The following RGS7 variants were observed in gnomAD, a reference collection of about 807,000 sequenced individuals.
RGS7 encodes regulator of G protein signaling 7.
A neutral mutation model predicts 81.1 loss-of-function variants in RGS7; 27 were observed. That is an observed-to-expected ratio of 0.33 (90% CI 0.25 to 0.46). RGS7 has a LOEUF of 0.46. Among genes scored for constraint, RGS7 ranks in the 20% least tolerant of loss-of-function variants. The probability of loss-of-function intolerance (pLI) is 1.00; values close to 1 mark genes in which losing one functional copy is unlikely to be tolerated. For missense variants in RGS7, 396 were observed against 607.4 expected (o/e 0.65, Z 3.66); for synonymous variants, 208 against 207.7 (o/e 1.00, Z -0.01).
At chr1:240,970,379 G>C (rs979228248) in intron 4 of RGS7, among the ~76,000 whole-genome samples, 2 of 152,212 alleles carry the variant, frequency 1.3e-5, no homozygotes, top group Non-Finnish European at 2.9e-5. Context: ...GTTGTGCAGA[G>C]CAATTGGATA....
At chr1:240,883,119 A>G (rs1206566397) in intron 6 of RGS7, among the ~76,000 whole-genome samples, 1 of 113,862 alleles carries the variant, frequency 8.8e-6, no homozygotes, top group Non-Finnish European at 1.6e-5. Context: ...TATGTGCCAC[A>G]TTTTCTTAAT....
At chr1:241,128,051 G>C (rs2103025251) in intron 2 of RGS7, among the ~76,000 whole-genome samples, 1 of 152,160 alleles carries the variant, frequency 6.6e-6, no homozygotes, top group African/African-American at 2.4e-5. Context: ...GGCTGAGGTG[G>C]GTGGATCACG....
chr1:241,297,258 GA>G lies in RGS7; in HGVS notation c.78+58440del, dbSNP rs2079483033. On this transcript the variant is annotated intron_variant, in intron 2 of 18. Transcript: ENST00000440928. ...GAATTTATGGAAGAATGGATGGAAAGAAAACATACATTATAAGAATAAATCC... is the reference window on the plus strand; with the variant it reads ...GAATTTATGGAAGAATGGATGGAAAGAAACATACATTATAAGAATAAATCC... Among the ~76,000 whole-genome samples, 3 of 152,188 alleles carry G rather than the reference GA, an allele frequency of 2.0e-5. No individual in the cohort carries two copies. The South Asian group carries it at 6.2e-4, about 31-fold the overall frequency.
chr1:241,140,661 T>A (rs77776558), intron 2 of RGS7, among the ~76,000 whole-genome samples: 2 of 152,260 alleles, frequency 1.3e-5, no homozygotes, highest in Non-Finnish European at 2.9e-5. Flanking sequence ...TCCTCCTGCC[T>A]TGGCCTCTCA....
intron 6 of RGS7, among the ~76,000 whole-genome samples, chr1:240,903,955 A>C (rs2148212596): frequency 6.6e-6 from 1 of 152,336 alleles, no homozygotes; most frequent in African/African-American, 2.4e-5. Context: ...CTTCTTGTAC[A>C]GTCTGCAGAA....
chr1:241,229,658 T>G (rs192213813), intron 2 of RGS7, among the ~76,000 whole-genome samples: 54 of 152,358 alleles, frequency 3.5e-4, no homozygotes, highest in Non-Finnish European at 7.2e-4. Context: ...AGTAGTCCAC[T>G]TCCTTCTTTC....
At chr1:240,859,391 A>G (rs1469680850) in intron 9 of RGS7, among the ~76,000 whole-genome samples, 3 of 120,072 alleles carry the variant, frequency 2.5e-5, no homozygotes, top group African/African-American at 9.7e-5. Context: ...TATATTATCT[A>G]TTTTCTTGGT....
chr1:240,949,203 T>C (rs1679144428), intron 4 of RGS7, among the ~76,000 whole-genome samples: 1 of 152,220 alleles, frequency 6.6e-6, no homozygotes, highest in African/African-American at 2.4e-5. Flanking sequence ...TTTCTCACCT[T>C]TCAATTTTGA....
chr1:241,110,694 CTT>C (rs533691961), intron 2 of RGS7, among the ~76,000 whole-genome samples: 6 of 139,930 alleles, frequency 4.3e-5, no homozygotes, highest in Admixed American at 7.2e-5. Context: ...CTCACTCACT[CTT>C]TTTTTTTTTT....
At chr1:241,161,436 A>T (rs1211482741) in intron 2 of RGS7, among the ~76,000 whole-genome samples, 1 of 150,552 alleles carries the variant, frequency 6.6e-6, no homozygotes. Flanking sequence ...AATAATAATA[A>T]CTAATAATAA....
chr1:240,875,063 A>G (rs1367047330), intron 6 of RGS7, among the ~76,000 whole-genome samples: 1 of 152,072 alleles, frequency 6.6e-6, no homozygotes, highest in Non-Finnish European at 1.5e-5. Flanking sequence ...ACAAAAAACA[A>G]AAAACAAAAA....
intron 6 of RGS7, among the ~76,000 whole-genome samples, chr1:240,908,444 T>C (rs1671210861): frequency 2.6e-5 from 4 of 152,214 alleles, no homozygotes; most frequent in Admixed American, 2.6e-4. Context: ...TGAACGAATG[T>C]CTTTCCTGTA....
At chr1:241,354,566 T>C (rs2083442827) in intron 2 of RGS7, among the ~76,000 whole-genome samples, 2 of 152,190 alleles carry the variant, frequency 1.3e-5, no homozygotes, top group South Asian at 4.1e-4. Flanking sequence ...CAAACACATA[T>C]TCATCACTAC....
At chr1:241,342,209 T>C (rs1031243307) in intron 2 of RGS7, among the ~76,000 whole-genome samples, 1 of 152,024 alleles carries the variant, frequency 6.6e-6, no homozygotes, top group Non-Finnish European at 1.5e-5. Flanking sequence ...GCCTGGATAT[T>C]AGTCAGCTAG....
chr1:240,920,107 T>C lies in RGS7; in HGVS notation c.385+10610A>G, dbSNP rs894110994. The C allele has an allele frequency of 1.6e-5, 15 of 909,768 alleles. No individual in the cohort carries two copies. In the African/African-American group the frequency reaches 2.4e-4, roughly 15 times the overall value. 56.4% of individuals were successfully genotyped at this position (909,768 alleles called of 1,614,324 possible). A position where few individuals can be genotyped will look rare whatever the true frequency, so the allele number is the denominator to read the frequency against. ...AAAAGAGGCTTTGCCTTTGTAATCT[T>C]TGATGACTATGACTCCGTGGATAAG... On this transcript the variant is annotated intron_variant, in intron 6 of 18. Coordinates refer to ENST00000440928, the MANE Select transcript of RGS7 (RefSeq NM_001364886.1).
chr1:241,121,683 A>AGT (rs2066264962), intron 2 of RGS7, among the ~76,000 whole-genome samples: 2 of 143,042 alleles, frequency 1.4e-5, no homozygotes, highest in South Asian at 4.5e-4. Flanking sequence ...TATATATGCT[A>AGT]GTCTATCCAC....
intron 6 of RGS7, among the ~76,000 whole-genome samples, chr1:240,892,430 C>T (rs1668422329): frequency 6.6e-6 from 1 of 152,150 alleles, no homozygotes; most frequent in East Asian, 1.9e-4. Flanking sequence ...TTCTCCCAAG[C>T]CAAAAGCCCC....
chr1:241,189,620 C>T (rs909162457), intron 2 of RGS7, among the ~76,000 whole-genome samples: 4 of 151,984 alleles, frequency 2.6e-5, no homozygotes, highest in Non-Finnish European at 4.4e-5. Context: ...ATATTTTTTG[C>T]TTTTTCTTTA....
At chr1:240,780,591 A>G (rs982312386) in intron 18 of RGS7, among the ~76,000 whole-genome samples, 2 of 152,072 alleles carry the variant, frequency 1.3e-5, no homozygotes, top group African/African-American at 2.4e-5. Flanking sequence ...TTTTAAAACT[A>G]CAGATTAATG....
Sources: gnomAD v4.1 joint callset for allele counts (sites outside exome capture counted in the v4.1 genomes callset) on GRCh38, gnomAD v4.1.1 for gene constraint, MANE v1.5 for transcripts, NCBI Gene and HGNC (gene_info 2026-07-23, HGNC 2026-07-21) for gene names.